LRFN2: variants seen among roughly 807,000 people sequenced by gnomAD.
The protein encoded by LRFN2 is leucine-rich repeat and fibronectin type-III domain-containing protein 2.
LRFN2 carries 18 observed loss-of-function variants against 37.3 expected under a neutral mutation model. That is an observed-to-expected ratio of 0.48 (90% CI 0.33 to 0.72). The LOEUF (loss-of-function observed/expected upper bound fraction) is 0.72. LRFN2 is among the 30% of genes least tolerant of loss of function. The pLI is 0.02. For synonymous variants in LRFN2, 556 were observed against 466.6 expected (o/e 1.19, Z -2.47); for missense variants, 1,006 against 1,060.7 (o/e 0.95, Z 0.72).
chr6:40,578,622 T>A (rs537002717), intron 1 of LRFN2, among the ~76,000 whole-genome samples: 1 of 152,310 alleles, frequency 6.6e-6, no homozygotes, highest in South Asian at 2.1e-4. Context: ...TCAGTGGTAT[T>A]TTCCTAAGTA....
intron 1 of LRFN2, among the ~76,000 whole-genome samples, chr6:40,559,980 G>A (rs956364046): frequency 1.3e-5 from 2 of 151,962 alleles, no homozygotes; most frequent in Non-Finnish European, 2.9e-5. Flanking sequence ...CTAACCATCT[G>A]CCCACACCTG....
At chr6:40,467,009 G>C (rs1764485600) in intron 1 of LRFN2, among the ~76,000 whole-genome samples, 1 of 152,072 alleles carries the variant, frequency 6.6e-6, no homozygotes, top group Admixed American at 6.5e-5. Context: ...GTCAAGTAGA[G>C]AGGCCTCAAA....
At chr6:40,452,113 A>T (rs758999882) in intron 1 of LRFN2, among the ~76,000 whole-genome samples, 1 of 152,170 alleles carries the variant, frequency 6.6e-6, no homozygotes, top group Non-Finnish European at 1.5e-5. Flanking sequence ...CACTAGTAGA[A>T]GACTCTAGGA....
At chr6:40,489,667 A>G (rs552029193) in intron 1 of LRFN2, among the ~76,000 whole-genome samples, 1 of 152,124 alleles carries the variant, frequency 6.6e-6, no homozygotes, top group East Asian at 1.9e-4. Flanking sequence ...GAAGGACACA[A>G]TTAGAACTCC....
At chr6:40,504,365 T>C (rs1765471545) in intron 1 of LRFN2, among the ~76,000 whole-genome samples, 1 of 152,170 alleles carries the variant, frequency 6.6e-6, no homozygotes, top group South Asian at 2.1e-4. Flanking sequence ...CACAGGACGA[T>C]CTTAAACATG....
chr6:40,391,706 C>A lies in LRFN2; in HGVS notation c.*237G>T, dbSNP rs1762504684. ...AAAGGCGGAGTCTCGCCTTTCCAAA[C>A]ACTCAGGGCTCAGTCCGGCATTTGA... On this transcript the variant is annotated 3_prime_UTR_variant, in exon 3 of 3. Coordinates refer to ENST00000338305, the MANE Select transcript of LRFN2 (RefSeq NM_020737.3). The A allele has an allele frequency of 2.5e-6, 1 of 405,442 alleles. No homozygotes were observed. Among genetic ancestry groups the A allele is most frequent in the Non-Finnish European group, 4.3e-6 (1 of 231,204 alleles). 25.1% of individuals were successfully genotyped at this position (405,442 alleles called of 1,614,324 possible).
intron 1 of LRFN2, among the ~76,000 whole-genome samples, chr6:40,454,015 T>C (rs1018630576): frequency 6.6e-6 from 1 of 152,214 alleles, no homozygotes. Context: ...TTGCTAGGAA[T>C]GACTCTGGGT....
intron 1 of LRFN2, among the ~76,000 whole-genome samples, chr6:40,529,809 A>G (rs1185216671): frequency 6.6e-6 from 1 of 152,234 alleles, no homozygotes; most frequent in Non-Finnish European, 1.5e-5. Context: ...GGTGGATGTG[A>G]CAATTCAACC....
chr6:40,550,351 C>G (rs1393151051), intron 1 of LRFN2, among the ~76,000 whole-genome samples: 1 of 151,106 alleles, frequency 6.6e-6, no homozygotes, highest in Non-Finnish European at 1.5e-5. Flanking sequence ...AGTGTACGGA[C>G]TGGTAATCTA....
chr6:40,542,313 G>A (rs979056732), intron 1 of LRFN2, among the ~76,000 whole-genome samples: 3 of 152,096 alleles, frequency 2.0e-5, no homozygotes, highest in Admixed American at 1.3e-4. Context: ...AACCTGGCCC[G>A]GAGAGGTGGC....
chr6:40,541,693 C>T (rs137936840), intron 1 of LRFN2, among the ~76,000 whole-genome samples: 2 of 152,138 alleles, frequency 1.3e-5, no homozygotes, highest in African/African-American at 4.8e-5. Flanking sequence ...CCAGACATGC[C>T]GACCACAGGT....
At chr6:40,549,271 G>A (rs768329184) in intron 1 of LRFN2, among the ~76,000 whole-genome samples, 5 of 152,092 alleles carry the variant, frequency 3.3e-5, no homozygotes, top group African/African-American at 2.4e-5. Flanking sequence ...TCTAATTTGC[G>A]CCAAGATGTC....
intron 1 of LRFN2, among the ~76,000 whole-genome samples, chr6:40,551,382 G>T (rs1239169504): frequency 6.6e-6 from 1 of 152,208 alleles, no homozygotes; most frequent in Admixed American, 6.5e-5. Flanking sequence ...CCAGTACACA[G>T]AAGACAGAAT....
chr6:40,552,028 G>A (rs902494085), intron 1 of LRFN2, among the ~76,000 whole-genome samples: 1 of 152,108 alleles, frequency 6.6e-6, no homozygotes, highest in Middle Eastern at 3.2e-3. Flanking sequence ...TGTTATACAA[G>A]TTATACAAGG....
At chr6:40,548,267 C>T (rs927004478) in intron 1 of LRFN2, among the ~76,000 whole-genome samples, 1 of 152,120 alleles carries the variant, frequency 6.6e-6, no homozygotes, top group Non-Finnish European at 1.5e-5. Flanking sequence ...TGGTGAAACC[C>T]TGCCTCTACT....
chr6:40,451,886 G>A (rs1364769136), intron 1 of LRFN2, among the ~76,000 whole-genome samples: 5 of 152,120 alleles, frequency 3.3e-5, no homozygotes, highest in Admixed American at 1.3e-4. Context: ...TAATGAGAAG[G>A]CACATATGAC....
intron 1 of LRFN2, among the ~76,000 whole-genome samples, chr6:40,457,992 T>C (rs1472821739): frequency 2.0e-5 from 3 of 152,200 alleles, no homozygotes; most frequent in African/African-American, 7.2e-5. Context: ...CTGGATTGTT[T>C]AGGGCCACAT....
rs967003603 is a variant in LRFN2 at position 40,526,228 on chromosome 6, G to A, written c.-19+60713C>T. ...GGGTTGAATCCAGCCAGCGTGCTCC[G>A]CAGCTAGTCACAACACTACAGTTTG... On this transcript the variant is annotated intron_variant, in intron 1 of 2. Coordinates refer to ENST00000338305, the MANE Select transcript of LRFN2 (RefSeq NM_020737.3). Among the ~76,000 whole-genome samples the A allele has an allele frequency of 4.6e-5, 7 of 152,182 alleles. No homozygotes were observed. In the East Asian group the frequency reaches 5.8e-4, roughly 13 times the overall value.
At chr6:40,510,017 A>C (rs535605810) in intron 1 of LRFN2, among the ~76,000 whole-genome samples, 18 of 144,266 alleles carry the variant, frequency 1.2e-4, no homozygotes, top group African/African-American at 4.5e-4. Context: ...GAGTGCGTGC[A>C]TGCGGGTATG....
Sources: gnomAD v4.1 joint callset for allele counts (sites outside exome capture counted in the v4.1 genomes callset) on GRCh38, gnomAD v4.1.1 for gene constraint, MANE v1.5 for transcripts, NCBI Gene and HGNC (gene_info 2026-07-23, HGNC 2026-07-21) for gene names.